Variants in NLGN1 observed in about 807,000 individuals in gnomAD.
The protein encoded by NLGN1 is neuroligin 1, also known as neuroligin-1.
NLGN1 carries 12 observed loss-of-function variants against 65.5 expected under a neutral mutation model. The observed-to-expected ratio is 0.18, with a 90% CI of 0.12 to 0.30. NLGN1 has a LOEUF of 0.30. Ranked by LOEUF, NLGN1 falls within the 10% of genes least tolerant of loss-of-function variation. NLGN1 has a pLI of 1.00. For synonymous variants in NLGN1, 350 were observed against 359.5 expected (o/e 0.97, Z 0.30); for missense variants, 750 against 1,007.1 (o/e 0.74, Z 3.46).
At chr3:174,165,381 C>T (rs1727310374) in intron 4 of NLGN1, among the ~76,000 whole-genome samples, 1 of 151,854 alleles carries the variant, frequency 6.6e-6, no homozygotes, top group Non-Finnish European at 1.5e-5. Context: ...CCTTTAAAGC[C>T]TAGTTTCTTG....
At chr3:173,553,614 C>G (rs1577244311) in intron 2 of NLGN1, among the ~76,000 whole-genome samples, 1 of 152,278 alleles carries the variant, frequency 6.6e-6, no homozygotes, top group Middle Eastern at 3.4e-3. Flanking sequence ...ACTTTGAAGT[C>G]TGAAATTCTA....
intron 3 of NLGN1, among the ~76,000 whole-genome samples, chr3:173,650,219 C>T (rs1398920008): frequency 1.3e-5 from 2 of 152,228 alleles, no homozygotes; most frequent in Non-Finnish European, 1.5e-5. Flanking sequence ...ATACTTCCTA[C>T]TCATCATTAT....
At chr3:174,024,363 C>T (rs1045074023) in intron 4 of NLGN1, among the ~76,000 whole-genome samples, 1 of 151,964 alleles carries the variant, frequency 6.6e-6, no homozygotes, top group Non-Finnish European at 1.5e-5. Context: ...ATGAGTAATG[C>T]GGCCATGAGA....
chr3:173,765,411 TA>T (rs1436557005), intron 3 of NLGN1, among the ~76,000 whole-genome samples: 1 of 152,090 alleles, frequency 6.6e-6, no homozygotes, highest in African/African-American at 2.4e-5. Flanking sequence ...GGAGAAATGG[TA>T]AAAGGATATG....
intron 3 of NLGN1, among the ~76,000 whole-genome samples, chr3:173,608,827 C>CTTAA (rs1751811938): frequency 6.6e-6 from 1 of 151,820 alleles, no homozygotes; most frequent in African/African-American, 2.4e-5. Context: ...TTTAGACAGA[C>CTTAA]TTAATGCTCA....
At chr3:174,278,817 A>G in intron 5 of NLGN1, 44 bp from the exon 6 acceptor site, 1 of 1,409,694 alleles carries the variant, frequency 7.1e-7, no homozygotes, top group Non-Finnish European at 9.4e-7. Flanking sequence ...TTACCACAAC[A>G]TTACCCAAAG....
At chr3:173,841,673 G>T (rs1476540991) in intron 4 of NLGN1, among the ~76,000 whole-genome samples, 1 of 152,106 alleles carries the variant, frequency 6.6e-6, no homozygotes, top group Non-Finnish European at 1.5e-5. Context: ...AATGTATAAA[G>T]GTAGAAACTT....
chr3:173,880,829 G>A (rs1733085787), intron 4 of NLGN1, among the ~76,000 whole-genome samples: 1 of 152,070 alleles, frequency 6.6e-6, no homozygotes, highest in South Asian at 2.1e-4. Context: ...GTAGCATTCA[G>A]TGATGTTTGA....
intron 3 of NLGN1, among the ~76,000 whole-genome samples, chr3:173,633,380 G>A (rs1375377676): frequency 6.6e-6 from 1 of 152,062 alleles, no homozygotes; most frequent in Non-Finnish European, 1.5e-5. Flanking sequence ...TGCTTTCAGT[G>A]TTTTTAATGT....
intron 4 of NLGN1, among the ~76,000 whole-genome samples, chr3:173,862,277 C>T (rs189349170): frequency 1.7e-4 from 26 of 151,222 alleles, no homozygotes; most frequent in Admixed American, 1.6e-3. Flanking sequence ...GAGGCCGAGG[C>T]GGGCGGATCA....
chr3:174,223,102 T>C (rs1738964020), intron 4 of NLGN1, among the ~76,000 whole-genome samples: 1 of 152,148 alleles, frequency 6.6e-6, no homozygotes, highest in Admixed American at 6.5e-5. Flanking sequence ...TGTAAATCAC[T>C]GAAGATACTT....
intron 3 of NLGN1, among the ~76,000 whole-genome samples, chr3:173,738,669 A>G (rs1488546): frequency 0.9 from 136,225 of 152,076 alleles, 61,064 homozygotes; most frequent in East Asian, 1. Context: ...TTGAAATGGG[A>G]AATTGTAATT....
chr3:173,976,931 G>GA (rs1233459701), intron 4 of NLGN1, among the ~76,000 whole-genome samples: 1 of 151,846 alleles, frequency 6.6e-6, no homozygotes, highest in Non-Finnish European at 1.5e-5. Flanking sequence ...AAGCACTACA[G>GA]AAAAAAATGG....
intron 3 of NLGN1, among the ~76,000 whole-genome samples, chr3:173,640,764 T>G (rs1757286627): frequency 1.3e-5 from 2 of 152,166 alleles, no homozygotes; most frequent in Non-Finnish European, 2.9e-5. Flanking sequence ...CCTGATGTCT[T>G]TTTATGGCCA....
chr3:173,729,285 G>A (rs776110180), intron 3 of NLGN1, among the ~76,000 whole-genome samples: 18 of 151,990 alleles, frequency 1.2e-4, no homozygotes, highest in Non-Finnish European at 2.5e-4. Context: ...AACACTTTTT[G>A]TTGAGTTCAG....
intron 2 of NLGN1, among the ~76,000 whole-genome samples, chr3:173,453,602 C>G (rs940351092): frequency 1.1e-4 from 17 of 152,160 alleles, no homozygotes; most frequent in African/African-American, 3.6e-4. Context: ...AGCATCTTCT[C>G]TGGAAGATTC....
At chr3:174,066,104 T>C (rs556566116) in intron 4 of NLGN1, among the ~76,000 whole-genome samples, 21 of 152,338 alleles carry the variant, frequency 1.4e-4, no homozygotes, top group Admixed American at 1.3e-3. Context: ...GATAACTTAA[T>C]GACATTTCTG....
At chr3:173,926,413 G>A (rs750659075) in intron 4 of NLGN1, among the ~76,000 whole-genome samples, 27 of 152,058 alleles carry the variant, frequency 1.8e-4, no homozygotes, top group Non-Finnish European at 2.4e-4. Flanking sequence ...AGTATAACTC[G>A]CAGCTTGCCA....
intron 2 of NLGN1, among the ~76,000 whole-genome samples, chr3:173,555,934 A>G (rs1741638303): frequency 6.6e-6 from 1 of 152,224 alleles, no homozygotes; most frequent in Non-Finnish European, 1.5e-5. Flanking sequence ...GGCCTATTTC[A>G]GGAAGTTTGT....
Sources: allele counts gnomAD v4.1 joint callset (sites outside exome capture counted in the v4.1 genomes callset), GRCh38; gene constraint gnomAD v4.1.1; transcripts MANE v1.5; gene names NCBI Gene and HGNC (gene_info 2026-07-23, HGNC 2026-07-21).